GPX3: variants seen among roughly 807,000 people sequenced by gnomAD.
GPX3 encodes the protein glutathione peroxidase 3.
In GPX3, 22 loss-of-function variants were observed where a neutral mutation model predicts 25.1. That is an observed-to-expected ratio of 0.88 (90% confidence interval 0.63 to 1.25). The LOEUF is 1.25. GPX3 is among the 50% of genes most tolerant of loss of function. GPX3 has a pLI of 0.00. For missense variants in GPX3, 278 were observed against 286.6 expected (o/e 0.97, Z 0.22); for synonymous variants, 110 against 114.5 (o/e 0.96, Z 0.25).
At chr5:151,025,557 C>A in intron 2 of GPX3, 64 bp downstream of exon 2, 2 of 1,409,410 alleles carry the variant, frequency 1.4e-6, no homozygotes, top group Non-Finnish European at 9.6e-7. Flanking sequence ...ATCACAGGAG[C>A]TTTTCTGGTG....
At chr5:151,026,794 G>C (rs1192464571) in intron 2 of GPX3, 106 bp from the exon 3 acceptor site, 1 of 769,680 alleles carries the variant, frequency 1.3e-6, no homozygotes, top group Non-Finnish European at 2.2e-6. Flanking sequence ...CCTTTCTCGG[G>C]CCTCAGTAGT....
rs1162640071 is a variant in GPX3, at chr5:151,028,256, G to A, written c.*126G>A. Reference sequence around the variant, plus strand: ...TTCCTATCACTCAAGGCCCCAGCCTGGCACAAATGGATGCATACAGTTCTG... The same window carrying A: ...TTCCTATCACTCAAGGCCCCAGCCTAGCACAAATGGATGCATACAGTTCTG... On this transcript the variant is annotated 3_prime_UTR_variant, in exon 5 of 5. Transcript: ENST00000388825. 2 of 827,676 alleles carry A rather than the reference G, an allele frequency of 2.4e-6. No homozygotes were observed. Among genetic ancestry groups the A allele is most frequent in the Non-Finnish European group, 3.9e-6 (2 of 512,866 alleles). The allele number at this position is 827,676 out of a possible 1,614,324, so 51.3% of individuals were successfully genotyped here. A position where few individuals can be genotyped will look rare whatever the true frequency, so the allele number is the denominator to read the frequency against.
In GPX3 at chr5:151,026,935, G is replaced by A. The variant is rs769489466; in HGVS notation, c.277G>A (p.Gly93Ser). Reference sequence around the variant, plus strand: ...ACTACAGGAAGAGCTTGCACCATTCGGTCTGGTCATTCTGGGCTTTCCCTG... The same window carrying A: ...ACTACAGGAAGAGCTTGCACCATTCAGTCTGGTCATTCTGGGCTTTCCCTG... ...NALQEELAPF[G>S]LVILGFPCNQ... The change falls in exon 3 of 5, where the codon GGT (glycine) becomes AGT (serine). Residue 93 changes from glycine to serine, a missense_variant. Physicochemically the swap from Gly to Ser is moderately conservative, Grantham distance 56 (BLOSUM62 0). Coordinates refer to ENST00000388825, the MANE Select transcript of GPX3 (RefSeq NM_002084.5). 14 of 1,613,964 alleles carry A rather than the reference G, an allele frequency of 8.7e-6. No homozygotes were observed. Among genetic ancestry groups the A allele is most frequent in the African/African-American group, 6.7e-5 (5 of 74,902 alleles).
intron 1 of GPX3, chr5:151,021,126 T>G: frequency 4.0e-6 from 1 of 249,052 alleles, no homozygotes; most frequent in Non-Finnish European, 7.9e-6. Context: ...CAGAAAAAAA[T>G]GCCCAGCGTC....
intron 2 of GPX3, 63 bp from the exon 3 acceptor site, chr5:151,026,837 G>C: frequency 8.5e-7 from 1 of 1,177,594 alleles, no homozygotes. Context: ...CGGGGGAGTG[G>C]TGTGGATGAG....
intron 1 of GPX3, among the ~76,000 whole-genome samples, chr5:151,023,634 G>T (rs1242174223): frequency 6.6e-6 from 1 of 152,170 alleles, no homozygotes; most frequent in African/African-American, 2.4e-5. Context: ...AAAGTGGAGA[G>T]GCTATAGACA....
Position 151,027,990 on chromosome 5 carries a change from T to A in GPX3, c.541T>A (p.Trp181Arg). ...WEPMKVHDIR[W>R]NFEKFLVGPD... is the part of the protein sequence containing the mutation. ...ACCCATGAAGGTTCACGACATCCGC[T>A]GGAACTTTGAGAAGTTCCTGGTGGG... The change falls in exon 5 of 5, where the codon TGG (tryptophan) becomes AGG (arginine). Residue 181 changes from tryptophan to arginine, a missense_variant. Coordinates refer to ENST00000388825, the MANE Select transcript of GPX3 (RefSeq NM_002084.5). The A allele has an allele frequency of 1.2e-6, 2 of 1,614,212 alleles. No homozygotes were observed. The highest frequency in any genetic ancestry group is 8.5e-7 in the Non-Finnish European group (1 of 1,180,020).
intron 1 of GPX3, among the ~76,000 whole-genome samples, chr5:151,024,577 A>G (rs1367047225): frequency 6.6e-6 from 1 of 152,188 alleles, no homozygotes; most frequent in Non-Finnish European, 1.5e-5. Context: ...AGTCCACTGC[A>G]CTCTGTCCCT....
chr5:151,023,678 G>A (rs752815536), intron 1 of GPX3, among the ~76,000 whole-genome samples: 3 of 152,070 alleles, frequency 2.0e-5, no homozygotes, highest in South Asian at 2.1e-4. Context: ...TCTTTGTGGC[G>A]GTCTAGGGTG....
Position 151,027,022 on chromosome 5 carries a change from G to C in GPX3, c.359+5G>C. The stretch of plus-strand genomic sequence containing the variant: ...AGAGATCCTTCCTACCCTCAAGTGA[G>C]TACTCACTCAGCATCCTGAGAAAGC... On this transcript the variant is annotated splice_donor_5th_base_variant and intron_variant, in intron 3 of 4. Coordinates refer to ENST00000388825, the MANE Select transcript of GPX3 (RefSeq NM_002084.5). The C allele has an allele frequency of 1.3e-6, 2 of 1,577,062 alleles. No individual in the cohort carries two copies. The highest frequency in any genetic ancestry group is 1.1e-5 in the South Asian group (1 of 90,156).
intron 1 of GPX3, among the ~76,000 whole-genome samples, chr5:151,022,438 T>C (rs1756490954): frequency 6.6e-6 from 1 of 152,226 alleles, no homozygotes; most frequent in African/African-American, 2.4e-5. Flanking sequence ...CAGGACTTGC[T>C]GGCTAATGAA....
At chr5:151,024,972 G>T (rs1468858064) in intron 1 of GPX3, among the ~76,000 whole-genome samples, 2 of 152,160 alleles carry the variant, frequency 1.3e-5, no homozygotes, top group African/African-American at 4.8e-5. Context: ...CAGTCTCCCT[G>T]AGAGCCCAGT....
Position 151,025,358 on chromosome 5 carries a change from A to G in GPX3, c.106A>G (p.Ile36Val), listed in dbSNP as rs1415397471. ...EKSKMDCHGG[I>V]SGTIYEYGAL... ...GTTCCAGATGGACTGCCATGGTGGC[A>G]TAAGTGGCACCATTTACGAGTACGG... Residue 36 changes from isoleucine to valine, a missense_variant, in exon 2 of 5, where the codon ATA (isoleucine) becomes GTA (valine). Physicochemically the swap from Ile to Val is conservative, Grantham distance 29. Transcript: ENST00000388825. 6.3e-7 allele frequency: 1 copy of G among 1,599,372 alleles called. No individual in the cohort carries two copies.
Position 151,028,247 on chromosome 5 carries a change from C to G in GPX3, c.*117C>G, listed in dbSNP as rs982448645. ...CAGACCCCTTTCCTATCACTCAAGG[C>G]CCCAGCCTGGCACAAATGGATGCAT... On this transcript the variant is annotated 3_prime_UTR_variant, in exon 5 of 5. Coordinates refer to ENST00000388825, the MANE Select transcript of GPX3 (RefSeq NM_002084.5). 3.3e-6 allele frequency: 3 copies of G among 914,056 alleles called. No individual in the cohort carries two copies. The highest frequency in any genetic ancestry group is 5.1e-6 in the Non-Finnish European group (3 of 587,894). 56.6% of individuals were successfully genotyped at this position (914,056 alleles called of 1,614,324 possible).
rs1005483068 is a variant in GPX3 at position 151,028,776 on chromosome 5, G to C, written c.*646G>C. 4 of 153,376 alleles carry C rather than the reference G, an allele frequency of 2.6e-5. No individual in the cohort carries two copies. Among genetic ancestry groups the C allele is most frequent in the Non-Finnish European group, 4.4e-5 (3 of 68,610 alleles). The allele number at this position is 153,376 out of a possible 1,614,324, so 9.5% of individuals were successfully genotyped here. On this transcript the variant is annotated 3_prime_UTR_variant, in exon 5 of 5. Coordinates refer to ENST00000388825, the MANE Select transcript of GPX3 (RefSeq NM_002084.5). ...TGACAGCAAGGGCCACGGACCCCATGGCAGGGGTGGCGTCTTCATGAGGGA... is the reference window on the plus strand; with the variant it reads ...TGACAGCAAGGGCCACGGACCCCATCGCAGGGGTGGCGTCTTCATGAGGGA...
chr5:151,027,645 C>A, intron 4 of GPX3, 114 bp downstream of exon 4: 1 of 736,230 alleles, frequency 1.4e-6, no homozygotes, highest in Non-Finnish European at 2.3e-6. Context: ...AATTTCTTGG[C>A]ACCTGACTAT....
intron 1 of GPX3, among the ~76,000 whole-genome samples, chr5:151,022,601 A>C (rs1756493238): frequency 6.6e-6 from 1 of 152,206 alleles, no homozygotes; most frequent in Non-Finnish European, 1.5e-5. Flanking sequence ...AAGGTGACTC[A>C]GCCCCAGAGA....
chr5:151,025,227 G>A lies in GPX3; in HGVS notation c.88-113G>A, dbSNP rs184406526. On this transcript the variant is annotated intron_variant, in intron 1 of 4. Coordinates refer to ENST00000388825, the MANE Select transcript of GPX3 (RefSeq NM_002084.5). ...AGTGCTAGTCCAGTTCCAATTCTCG[G>A]TGATTACTTTGAGAAAGTCACTCTC... 2.3e-4 allele frequency: 188 copies of A among 823,854 alleles called. No individual in the cohort carries two copies. In the African/African-American group the frequency reaches 2.9e-3, roughly 13 times the overall value. 51.0% of individuals were successfully genotyped at this position (823,854 alleles called of 1,614,324 possible). A position where few individuals can be genotyped will look rare whatever the true frequency, so the allele number is the denominator to read the frequency against.
chr5:151,022,773 C>T (rs4958872), intron 1 of GPX3, among the ~76,000 whole-genome samples: 93,951 of 152,032 alleles, frequency 0.62, 31,125 homozygotes, highest in Non-Finnish European at 0.75. Context: ...CTGACGTGCA[C>T]GGGATCCTAG....
Sources: allele counts gnomAD v4.1 joint callset (sites outside exome capture counted in the v4.1 genomes callset), GRCh38; gene constraint gnomAD v4.1.1; transcripts MANE v1.5; gene names NCBI Gene and HGNC (gene_info 2026-07-23, HGNC 2026-07-21).